The following PTPN4 variants were observed in gnomAD, a reference collection of about 807,000 sequenced individuals.
PTPN4 encodes tyrosine-protein phosphatase non-receptor type 4.
PTPN4 carries 49 observed loss-of-function variants against 135.5 expected under a neutral mutation model. The observed-to-expected ratio is 0.36, with a 90% confidence interval of 0.29 to 0.46. PTPN4 has a LOEUF of 0.46. Ranked by LOEUF, PTPN4 falls within the 20% of genes least tolerant of loss-of-function variation. The pLI is 1.00. For synonymous variants in PTPN4, 333 were observed against 369.9 expected, an observed-to-expected ratio of 0.90 and a Z score of 1.14; for missense variants, 860 against 1,101.0, an observed-to-expected ratio of 0.78 and a Z score of 3.10.
chr2:119,878,390 A>T lies in PTPN4; in HGVS notation c.368+848A>T, dbSNP rs537518320. On this transcript the variant is annotated intron_variant, in intron 5 of 26. Coordinates refer to ENST00000263708, the MANE Select transcript of PTPN4 (RefSeq NM_002830.4). ...GTTATACTCTCTGTAAAATTCTCAGATATAAGAATATAGGCCAGTGACTAC... is the reference window on the plus strand; with the variant it reads ...GTTATACTCTCTGTAAAATTCTCAGTTATAAGAATATAGGCCAGTGACTAC... 7.9e-5 allele frequency among the ~76,000 whole-genome samples: 12 copies of T among 152,332 alleles called. No individual in the cohort carries two copies. The South Asian group carries it at 1.2e-3, about 16-fold the overall frequency.
rs141136972 is a variant in PTPN4 at position 119,831,968 on chromosome 2, T to G, written c.138+21977T>G. ...TTCTCAACAGACAGACAATTTTGATTTTATTTTTTAAGTTATTGTTTTGTT... is the reference window on the plus strand; with the variant it reads ...TTCTCAACAGACAGACAATTTTGATGTTATTTTTTAAGTTATTGTTTTGTT... On this transcript the variant is annotated intron_variant, in intron 2 of 26. Coordinates refer to ENST00000263708, the MANE Select transcript of PTPN4 (RefSeq NM_002830.4). 1.8e-4 allele frequency among the ~76,000 whole-genome samples: 28 copies of G among 152,320 alleles called. No homozygotes were observed. In the South Asian group the frequency reaches 5.4e-3, roughly 29 times the overall value.
At chr2:119,938,524 T>G (rs1679017737) in intron 15 of PTPN4, among the ~76,000 whole-genome samples, 1 of 152,150 alleles carries the variant, frequency 6.6e-6, no homozygotes, top group Non-Finnish European at 1.5e-5. Context: ...ATTATTGGTT[T>G]TAAATATGTT....
intron 24 of PTPN4, 32 bp from the exon 25 acceptor site, chr2:119,965,465 G>C: frequency 6.3e-7 from 1 of 1,576,898 alleles, no homozygotes; most frequent in Non-Finnish European, 8.6e-7. Flanking sequence ...TAATACATAA[G>C]TCAAGGTGCA....
intron 3 of PTPN4, among the ~76,000 whole-genome samples, chr2:119,867,892 C>T (rs1443751003): frequency 6.6e-6 from 1 of 152,176 alleles, no homozygotes; most frequent in Non-Finnish European, 1.5e-5. Flanking sequence ...CCTTACAAGT[C>T]TTTATCCTTT....
At chr2:119,906,744 A>G (rs951145486) in intron 10 of PTPN4, among the ~76,000 whole-genome samples, 2 of 152,242 alleles carry the variant, frequency 1.3e-5, no homozygotes, top group South Asian at 4.1e-4. Context: ...CTTTTCTTCT[A>G]AGAACTAAAA....
Position 119,934,677 on chromosome 2 carries a change from G to A in PTPN4, c.1197-123G>A, listed in dbSNP as rs1489833209. 3.1e-5 allele frequency: 28 copies of A among 897,914 alleles called. 1 individual carries two copies. The South Asian group carries it at 4.4e-4, about 14-fold the overall frequency. 55.6% of individuals were successfully genotyped at this position (897,914 alleles called of 1,614,324 possible). On this transcript the variant is annotated intron_variant, in intron 14 of 26. Coordinates refer to ENST00000263708, the MANE Select transcript of PTPN4 (RefSeq NM_002830.4). ...TATCACACTGTCTTTTTCAGAGATT[G>A]CTTAGTCAACATGGCTTGACTTAAA...
In PTPN4 at chr2:119,945,049, G is replaced by A. The variant is rs551310755; in HGVS notation, c.1356-32G>A. On this transcript the variant is annotated intron_variant, in intron 15 of 26. Transcript: ENST00000263708. ...TGACCCTAACTTTTAAAAAAGTTAT[G>A]AAACAACTTCCAAATTTGTTTTCTT... 1.8e-5 allele frequency: 28 copies of A among 1,555,046 alleles called. No individual in the cohort carries two copies. The East Asian group carries it at 4.8e-4, about 27-fold the overall frequency.
intron 15 of PTPN4, among the ~76,000 whole-genome samples, chr2:119,936,224 G>A (rs570819702): frequency 1.2e-4 from 18 of 152,218 alleles, no homozygotes; most frequent in African/African-American, 3.9e-4. Flanking sequence ...GGATGGTCTC[G>A]ATCTCCTGAC....
At chr2:119,793,267 C>T (rs182447805) in intron 1 of PTPN4, among the ~76,000 whole-genome samples, 1 of 152,286 alleles carries the variant, frequency 6.6e-6, no homozygotes, top group Non-Finnish European at 1.5e-5. Context: ...ATATTCCTTA[C>T]TGGGGAAAGA....
At chr2:119,943,345 T>G (rs1466236717) in intron 15 of PTPN4, among the ~76,000 whole-genome samples, 1 of 152,128 alleles carries the variant, frequency 6.6e-6, no homozygotes, top group African/African-American at 2.4e-5. Flanking sequence ...TGGCAGTAAA[T>G]CTCTGTATCA....
chr2:119,984,678 C>A lies in PTPN4; in HGVS notation c.*7608C>A, dbSNP rs79669924. Among the ~76,000 whole-genome samples, 66 of 152,134 alleles carry A rather than the reference C, an allele frequency of 4.3e-4. No homozygotes were observed. The highest frequency in any genetic ancestry group is 1.6e-3 in the African/African-American group (65 of 41,526). The stretch of plus-strand genomic sequence containing the variant: ...AATTAGAATTTCTGCCATTCATGTA[C>A]AAAAAAATTACAACTACAGCAAACA... On this transcript the variant is annotated 3_prime_UTR_variant, in exon 27 of 27. Transcript: ENST00000263708.
chr2:119,879,515 T>C (rs902234539), intron 5 of PTPN4, among the ~76,000 whole-genome samples: 2 of 152,232 alleles, frequency 1.3e-5, no homozygotes, highest in African/African-American at 4.8e-5. Context: ...GATTAGAAAT[T>C]AGAATCATTT....
At chr2:119,824,120 G>A (rs1677111192) in intron 2 of PTPN4, among the ~76,000 whole-genome samples, 1 of 151,932 alleles carries the variant, frequency 6.6e-6, no homozygotes, top group Non-Finnish European at 1.5e-5. Flanking sequence ...TATATCTTTC[G>A]CTTAATGATT....
chr2:119,915,274 A>G (rs1487501181), intron 11 of PTPN4, 32 bp downstream of exon 11: 1 of 1,482,582 alleles, frequency 6.7e-7, no homozygotes, highest in Non-Finnish European at 9.0e-7. Flanking sequence ...ATTGACATAA[A>G]TGAAGCCTTT....
chr2:119,764,383 A>G (rs890388168), intron 1 of PTPN4, among the ~76,000 whole-genome samples: 3 of 152,180 alleles, frequency 2.0e-5, no homozygotes, highest in Non-Finnish European at 4.4e-5. Context: ...CTTTCTACCA[A>G]CTTCATCTCA....
intron 3 of PTPN4, among the ~76,000 whole-genome samples, chr2:119,871,126 G>C (rs1009857291): frequency 1.3e-5 from 2 of 149,524 alleles, no homozygotes; most frequent in Admixed American, 6.7e-5. Context: ...CAGCTTCACT[G>C]GTTAATCAGA....
intron 3 of PTPN4, among the ~76,000 whole-genome samples, chr2:119,864,191 T>G (rs373875082): frequency 2.6e-5 from 4 of 152,310 alleles, no homozygotes; most frequent in South Asian, 4.1e-4. Context: ...TATACATGGT[T>G]GAACTATAGG....
At chr2:119,913,619 G>A (rs1488878054) in intron 10 of PTPN4, among the ~76,000 whole-genome samples, 2 of 152,138 alleles carry the variant, frequency 1.3e-5, no homozygotes, top group African/African-American at 4.8e-5. Flanking sequence ...GCGAAACCAT[G>A]TCTGTAATAG....
At chr2:119,881,712 A>T (rs1211950040) in intron 5 of PTPN4, 74 bp from the exon 6 acceptor site, 2 of 987,022 alleles carry the variant, frequency 2.0e-6, no homozygotes, top group Non-Finnish European at 3.0e-6. Context: ...TGTTAATGTA[A>T]GTATACAGTT....
Sources: gnomAD v4.1 joint callset for allele counts (sites outside exome capture counted in the v4.1 genomes callset) on GRCh38, gnomAD v4.1.1 for gene constraint, MANE v1.5 for transcripts, NCBI Gene and HGNC (gene_info 2026-07-23, HGNC 2026-07-21) for gene names.